SHANK2: variants seen among roughly 807,000 people sequenced by gnomAD.
SHANK2 encodes SH3 and multiple ankyrin repeat domains protein 2.
A neutral mutation model predicts 133.7 loss-of-function variants in SHANK2; 43 were observed. The ratio of observed to expected loss-of-function variants is 0.32; its 90% CI spans 0.25 to 0.41. The LOEUF (loss-of-function observed/expected upper bound fraction) is 0.41. SHANK2 is among the 10% of genes least tolerant of loss of function. The pLI is 1.00. For missense variants in SHANK2, 1,994 were observed against 2,235.8 expected, an observed-to-expected ratio of 0.89 and a Z score of 2.18; for synonymous variants, 1,017 against 952.8, an observed-to-expected ratio of 1.07 and a Z score of -1.24.
intron 17 of SHANK2, among the ~76,000 whole-genome samples, chr11:70,555,537 C>T (rs969592860): frequency 1.3e-5 from 2 of 152,122 alleles, no homozygotes; most frequent in Admixed American, 1.3e-4. Flanking sequence ...CTTGAGCCCT[C>T]GAGTTTGAGA....
chr11:71,094,636 T>G lies in SHANK2; in HGVS notation c.645A>C (p.Lys215Asn), dbSNP rs1467951073. 1.3e-6 allele frequency: 2 copies of G among 1,551,668 alleles called. No individual in the cohort carries two copies. The highest frequency in any genetic ancestry group is 8.7e-7 in the Non-Finnish European group (1 of 1,147,000). Residue 215 changes from lysine (K) to asparagine (N), a missense_variant, in exon 7 of 26, where the codon AAA (lysine) becomes AAC (asparagine). Physicochemically the swap from Lys to Asn is moderately conservative, Grantham distance 94. Transcript: ENST00000601538. ...GGTGAGCTCCACCATTTTTGAGAGC[T>G]TTGATGACCTCCACAGAGTCGTCCA... is the stretch of plus-strand genomic sequence containing the variant. ...AQLDDSVEVIKALKNGGAHLD... is the reference protein window; with the variant it reads ...AQLDDSVEVINALKNGGAHLD...
In SHANK2 at chr11:70,505,351, G is replaced by A. The variant is rs192940153; in HGVS notation, c.2062-2420C>T. Among the ~76,000 whole-genome samples the A allele has an allele frequency of 1.1e-4, 17 of 152,086 alleles. No individual in the cohort carries two copies. The East Asian group carries it at 2.3e-3, about 21-fold the overall frequency. On this transcript the variant is annotated intron_variant, in intron 17 of 25. Transcript: ENST00000601538. ...TGAGTATGAGGTGCCAAACACACGTGGGGGGGCACCGAGACACTGGGGTCT... is the reference window on the plus strand; with the variant it reads ...TGAGTATGAGGTGCCAAACACACGTAGGGGGGCACCGAGACACTGGGGTCT...
intron 10 of SHANK2, among the ~76,000 whole-genome samples, chr11:70,930,996 A>G (rs1396675713): frequency 1.3e-5 from 2 of 152,140 alleles, no homozygotes; most frequent in Non-Finnish European, 2.9e-5. Flanking sequence ...ACGGCTACAG[A>G]AGCCATCAAT....
Position 70,905,462 on chromosome 11 carries a change from G to C in SHANK2, c.1108-8895C>G, listed in dbSNP as rs1555077731. ...GACGAAATGACTCTCCCTGAGCCCA[G>C]TGGCCGTGCGGATTTCTGCCATGGT... is the stretch of plus-strand genomic sequence containing the variant. On this transcript the variant is annotated intron_variant, in intron 10 of 25. Transcript: ENST00000601538. Among the ~76,000 whole-genome samples the C allele has an allele frequency of 2.6e-5, 4 of 152,174 alleles. 1 individual carries two copies. In the South Asian group the frequency reaches 8.3e-4, roughly 32 times the overall value.
At chr11:71,241,509 C>T (rs1044071141) in intron 1 of SHANK2, among the ~76,000 whole-genome samples, 14 of 152,132 alleles carry the variant, frequency 9.2e-5, no homozygotes, top group African/African-American at 3.4e-4. Flanking sequence ...AATCAGCCTG[C>T]GTTTAAGATC....
At chr11:71,169,433 T>C (rs1023782554) in intron 2 of SHANK2, among the ~76,000 whole-genome samples, 1 of 152,134 alleles carries the variant, frequency 6.6e-6, no homozygotes, top group African/African-American at 2.4e-5. Flanking sequence ...AAAATATGTA[T>C]GTACATAAGT....
intron 15 of SHANK2, among the ~76,000 whole-genome samples, chr11:70,692,476 A>C (rs1056630945): frequency 6.6e-6 from 1 of 152,250 alleles, no homozygotes; most frequent in African/African-American, 2.4e-5. Context: ...CCAAGGTTGC[A>C]TAGTGACTTA....
In SHANK2 at chr11:70,574,036, G is replaced by A. The variant is rs187741218; in HGVS notation, c.2062-71105C>T. On this transcript the variant is annotated intron_variant, in intron 17 of 25. Transcript: ENST00000601538. ...TTCTCCAAACATGGACACTTCTCAGGAAGTCTGATCTCCTCCTACCAGCGC... is the reference window on the plus strand; with the variant it reads ...TTCTCCAAACATGGACACTTCTCAGAAAGTCTGATCTCCTCCTACCAGCGC... Among the ~76,000 whole-genome samples, 22 of 152,260 alleles carry A rather than the reference G, an allele frequency of 1.4e-4. No homozygotes were observed. The East Asian group carries it at 4.3e-3, about 29-fold the overall frequency.
chr11:71,163,085 A>ATATAT (rs1953054224), intron 2 of SHANK2, among the ~76,000 whole-genome samples: 1 of 84,690 alleles, frequency 1.2e-5, no homozygotes, highest in Non-Finnish European at 2.5e-5. Flanking sequence ...AAAAAAAAAA[A>ATATAT]AAAAAAAAAT....
chr11:70,954,865 GCCTATGC>G (rs1165107840), intron 10 of SHANK2, among the ~76,000 whole-genome samples: 5 of 152,238 alleles, frequency 3.3e-5, no homozygotes, highest in African/African-American at 1.2e-4. Context: ...GCATGCAGCA[GCCTATGC>G]CCTGTTCATT....
chr11:71,153,788 G>C (rs1952849102), intron 2 of SHANK2, among the ~76,000 whole-genome samples: 1 of 152,124 alleles, frequency 6.6e-6, no homozygotes, highest in African/African-American at 2.4e-5. Flanking sequence ...CGGTCAACAT[G>C]GTAAAACCCC....
chr11:70,511,311 T>C (rs2059202218), intron 17 of SHANK2, among the ~76,000 whole-genome samples: 1 of 152,244 alleles, frequency 6.6e-6, no homozygotes. Flanking sequence ...CTTTAGGATC[T>C]TTAGAATTTC....
intron 22 of SHANK2, among the ~76,000 whole-genome samples, chr11:70,491,016 C>T (rs1394873553): frequency 1.3e-5 from 2 of 152,204 alleles, no homozygotes; most frequent in African/African-American, 2.4e-5. Flanking sequence ...CCCTCTTCAG[C>T]CTGTCCCAGG....
At chr11:70,864,123 T>C in intron 11 of SHANK2, 1 of 265,524 alleles carries the variant, frequency 3.8e-6, no homozygotes, top group Non-Finnish European at 7.5e-6. Context: ...TTCCTTGAGC[T>C]CTGGTCACCA....
At chr11:70,570,790 C>T (rs907423759) in intron 17 of SHANK2, 1 of 152,206 alleles carries the variant, frequency 6.6e-6, no homozygotes, top group African/African-American at 2.4e-5. Flanking sequence ...CACTCACACC[C>T]GGGGCCCACA....
At chr11:70,723,970 TA>T (rs1174039412) in intron 14 of SHANK2, among the ~76,000 whole-genome samples, 416 of 145,690 alleles carry the variant, frequency 2.9e-3, no homozygotes, top group African/African-American at 6.5e-3. Context: ...CAAATCCACT[TA>T]AAAAAAAAAA....
chr11:71,073,212 G>A (rs1404570191), intron 9 of SHANK2, among the ~76,000 whole-genome samples: 1 of 128,504 alleles, frequency 7.8e-6, no homozygotes. Flanking sequence ...AGGCTGGAGT[G>A]CAGTGGCACT....
chr11:70,710,340 GAGGACTGT>G (rs1449168901), intron 14 of SHANK2, among the ~76,000 whole-genome samples: 1 of 152,226 alleles, frequency 6.6e-6, no homozygotes, highest in African/African-American at 2.4e-5. Context: ...GACCTGCAGA[GAGGACTGT>G]AGGAGACTGT....
At chr11:71,156,558 C>T (rs574898883) in intron 2 of SHANK2, among the ~76,000 whole-genome samples, 1 of 152,322 alleles carries the variant, frequency 6.6e-6, no homozygotes, top group South Asian at 2.1e-4. Flanking sequence ...CCTCAGAGGG[C>T]CTGGAGTCCA....
Sources: gnomAD v4.1 joint callset for allele counts (sites outside exome capture counted in the v4.1 genomes callset) on GRCh38, gnomAD v4.1.1 for gene constraint, MANE v1.5 for transcripts, NCBI Gene and HGNC (gene_info 2026-07-23, HGNC 2026-07-21) for gene names.